Variants in GPRASP3 observed in about 807,000 individuals in gnomAD.
The protein encoded by GPRASP3 is G protein-coupled receptor associated sorting protein 3.
chrX:102,723,814 G>T, the GPRASP3 span, among the ~76,000 whole-genome samples: 1 of 111,475 alleles, frequency 9.0e-6, no homozygotes, highest in South Asian at 3.8e-4. Context: ...GTGGGGCTAG[G>T]TATTAAGTTC....
the GPRASP3 span, among the ~76,000 whole-genome samples, chrX:102,724,932 T>C: frequency 9.0e-6 from 1 of 111,443 alleles, no homozygotes; most frequent in Non-Finnish European, 1.9e-5. Context: ...CTACTTCAGA[T>C]GTCACTTGGC....
chrX:102,750,561 T>A, the GPRASP3 span: 2 of 1,203,419 alleles, frequency 1.7e-6, no homozygotes, highest in Non-Finnish European at 2.2e-6. Flanking sequence ...AAGGCTCAAT[T>A]GTAGTTGTTG....
At chrX:102,739,188 T>A in the GPRASP3 span, among the ~76,000 whole-genome samples, 1 of 111,816 alleles carries the variant, frequency 8.9e-6, no homozygotes, top group South Asian at 3.8e-4. Context: ...ATATTTTCCT[T>A]TCACACTTTT....
chrX:102,740,580 A>T, the GPRASP3 span, among the ~76,000 whole-genome samples: 5 of 111,602 alleles, frequency 4.5e-5, no homozygotes, highest in Admixed American at 9.6e-5. Context: ...GGGAAGCATA[A>T]CCTCACCAGA....
At chrX:102,750,994 C>T in the GPRASP3 span, 3 of 145,956 alleles carry the variant, frequency 2.1e-5, no homozygotes, top group Non-Finnish European at 4.4e-5. Flanking sequence ...ACAAAGATAA[C>T]AGTACCTAGA....
chrX:102,745,337 G>C, the GPRASP3 span, among the ~76,000 whole-genome samples: 1 of 111,804 alleles, frequency 8.9e-6, no homozygotes, highest in African/African-American at 3.3e-5. Flanking sequence ...CAGACCAGTG[G>C]TTGGTTTCCT....
chrX:102,747,151 A>G, the GPRASP3 span, among the ~76,000 whole-genome samples: 3 of 112,245 alleles, frequency 2.7e-5, no homozygotes, highest in Non-Finnish European at 5.6e-5. Flanking sequence ...ATAGTCCCAC[A>G]GAAGAATTCA....
chrX:102,742,652 A>C, the GPRASP3 span, among the ~76,000 whole-genome samples: 1 of 111,980 alleles, frequency 8.9e-6, no homozygotes, highest in Admixed American at 9.4e-5. Flanking sequence ...AGGCCTCTGC[A>C]AGTTGTCCTA....
chrX:102,748,021 C>T, the GPRASP3 span: 1 of 111,998 alleles, frequency 8.9e-6, no homozygotes, highest in African/African-American at 3.3e-5. Context: ...TTTCTAGTCA[C>T]CTCTGACCTC....
At chrX:102,748,932 C>A in the GPRASP3 span, 1 of 1,081,644 alleles carries the variant, frequency 9.2e-7, no homozygotes, top group East Asian at 3.0e-5. Flanking sequence ...GTTAAGACTT[C>A]GACCTAGGAC....
At chrX:102,731,561 C>T in the GPRASP3 span, among the ~76,000 whole-genome samples, 1 of 109,018 alleles carries the variant, frequency 9.2e-6, no homozygotes, top group Non-Finnish European at 1.9e-5. Context: ...ACCCGGGAAG[C>T]GGAGGTTGCA....
At chrX:102,750,668 C>T in the GPRASP3 span, 1 of 1,088,911 alleles carries the variant, frequency 9.2e-7, no homozygotes, top group Non-Finnish European at 1.2e-6. Context: ...CATTTTAAGC[C>T]ATCTTCAAAC....
At chrX:102,745,724 C>G in the GPRASP3 span, among the ~76,000 whole-genome samples, 10 of 111,287 alleles carry the variant, frequency 9.0e-5, no homozygotes, top group Admixed American at 1.9e-4. Context: ...GCGGCTCTTC[C>G]CAACCTCCTG....
the GPRASP3 span, chrX:102,749,600 T>G: frequency 8.3e-7 from 1 of 1,209,618 alleles, no homozygotes; most frequent in Non-Finnish European, 1.1e-6. Flanking sequence ...CCTCAGCCTG[T>G]GTATGAAATT....
At chrX:102,743,182 C>CT in the GPRASP3 span, among the ~76,000 whole-genome samples, 5,175 of 101,838 alleles carry the variant, frequency 0.051, 330 homozygotes, top group African/African-American at 0.17. Flanking sequence ...ATGTATGTAG[C>CT]TTTTTTTTTT....
the GPRASP3 span, chrX:102,748,051 G>T: frequency 1.8e-5 from 2 of 111,807 alleles, no homozygotes; most frequent in Non-Finnish European, 3.8e-5. Context: ...TACAAGTGAT[G>T]GGGTGGGGTG....
the GPRASP3 span, among the ~76,000 whole-genome samples, chrX:102,728,208 A>T: frequency 1.3e-4 from 14 of 111,056 alleles, no homozygotes; most frequent in Non-Finnish European, 2.6e-4. Context: ...TAATATATAT[A>T]TTTTTCAATT....
chrX:102,743,621 C>T, the GPRASP3 span, among the ~76,000 whole-genome samples: 5 of 110,199 alleles, frequency 4.5e-5, no homozygotes, highest in East Asian at 2.9e-4. Flanking sequence ...GTGCTGGCCA[C>T]GCCAAATGGG....
the GPRASP3 span, chrX:102,749,488 G>A: frequency 8.3e-7 from 1 of 1,212,109 alleles, no homozygotes; most frequent in Non-Finnish European, 1.1e-6. Flanking sequence ...TAGGTCAGGG[G>A]CTGAGGAGGA....
Sources: gnomAD v4.1 joint callset for allele counts (sites outside exome capture counted in the v4.1 genomes callset) on GRCh38, gnomAD v4.1.1 for gene constraint, MANE v1.5 for transcripts, NCBI Gene and HGNC (gene_info 2026-07-23, HGNC 2026-07-21) for gene names.